KALRN: variants seen among roughly 807,000 people sequenced by gnomAD.
KALRN encodes the protein kalirin.
In KALRN, 70 loss-of-function variants were observed where a neutral mutation model predicts 353.7. That is an observed-to-expected ratio of 0.20 (90% confidence interval 0.16 to 0.24). The LOEUF is 0.24. Ranked by LOEUF, KALRN falls within the 10% of genes least tolerant of loss-of-function variation. KALRN has a pLI of 1.00. For missense variants in KALRN, 2,791 were observed against 3,756.7 expected, an observed-to-expected ratio of 0.74 and a Z score of 6.72; for synonymous variants, 1,391 against 1,434.8, an observed-to-expected ratio of 0.97 and a Z score of 0.69.
At chr3:124,372,789 CCAAA>C (rs2086025764) in intron 10 of KALRN, among the ~76,000 whole-genome samples, 1 of 152,104 alleles carries the variant, frequency 6.6e-6, no homozygotes, top group African/African-American at 2.4e-5. Context: ...TTTTAAACTG[CCAAA>C]CAAAGTGTTA....
At chr3:124,276,937 G>T (rs182392017) in intron 5 of KALRN, among the ~76,000 whole-genome samples, 166 of 152,188 alleles carry the variant, frequency 1.1e-3, no homozygotes, top group African/African-American at 3.9e-3. Context: ...CCCAACACAC[G>T]CACGCACACA....
chr3:124,535,179 G>GTT (rs200899149), intron 33 of KALRN, among the ~76,000 whole-genome samples: 2 of 147,468 alleles, frequency 1.4e-5, no homozygotes, highest in African/African-American at 2.5e-5. Context: ...CTATAAAGAA[G>GTT]TTTTTTTTTT....
intron 5 of KALRN, among the ~76,000 whole-genome samples, chr3:124,286,135 C>CTTTCTTTCTTTCTTTCT (rs752421001): frequency 8.4e-6 from 1 of 119,440 alleles, no homozygotes; most frequent in African/African-American, 3.1e-5. Context: ...TTCTTTCTTT[C>CTTTCTTTCTTTCTTTCT]TTTCCTTTCT....
chr3:124,696,359 C>A, intron 54 of KALRN, 104 bp downstream of exon 54: 2 of 1,095,264 alleles, frequency 1.8e-6, no homozygotes, highest in Non-Finnish European at 2.6e-6. Flanking sequence ...CAGCCTTGAC[C>A]TCCCAGGCTC....
Position 124,632,493 on chromosome 3 carries a change from C to T in KALRN, c.5256C>T (p.Ser1752=), listed in dbSNP as rs772815507. The change falls in exon 35 of 60, where the codon TCC becomes TCT. Residue 1752 remains serine (S), a synonymous_variant. Transcript: ENST00000682506. ...ESVANLQAQP[S]LNSIHSSPGP... Reference sequence around the variant, plus strand: ...TGGCCAACCTGCAGGCCCAGCCCTCCCTGAACTCCATCCACAGTTCCCCGG... The same window carrying T: ...TGGCCAACCTGCAGGCCCAGCCCTCTCTGAACTCCATCCACAGTTCCCCGG... 17 of 1,614,050 alleles carry T rather than the reference C, an allele frequency of 1.1e-5. No individual in the cohort carries two copies. The African/African-American group carries it at 1.3e-4, about 13-fold the overall frequency.
Position 124,637,314 on chromosome 3 carries a change from G to A in KALRN, c.5664+11G>A, listed in dbSNP as rs965986954. ...GTCAAAAACAAGCTGGTAAGTGGGGGTCCTGGAGGCAGTTCTGTGTGTGTC... is the reference window on the plus strand; with the variant it reads ...GTCAAAAACAAGCTGGTAAGTGGGGATCCTGGAGGCAGTTCTGTGTGTGTC... On this transcript the variant is annotated intron_variant, in intron 37 of 59. Coordinates refer to ENST00000682506, the MANE Select transcript of KALRN (RefSeq NM_001388419.1). 12 of 1,601,702 alleles carry A rather than the reference G, an allele frequency of 7.5e-6. No individual in the cohort carries two copies. Among genetic ancestry groups the A allele is most frequent in the Non-Finnish European group, 1.0e-5 (12 of 1,168,820 alleles).
intron 32 of KALRN, among the ~76,000 whole-genome samples, chr3:124,493,843 C>T (rs1300658781): frequency 2.0e-5 from 3 of 152,226 alleles, no homozygotes; most frequent in African/African-American, 7.2e-5. Flanking sequence ...AGGATAAGTT[C>T]ACCTCCTCAG....
chr3:124,364,786 A>G (rs1346534268), intron 10 of KALRN, among the ~76,000 whole-genome samples: 1 of 152,184 alleles, frequency 6.6e-6, no homozygotes, highest in Non-Finnish European at 1.5e-5. Flanking sequence ...TCCCACAGTG[A>G]GGACTGCAGC....
At chr3:124,277,850 A>T (rs1172338444) in intron 5 of KALRN, among the ~76,000 whole-genome samples, 2 of 152,252 alleles carry the variant, frequency 1.3e-5, no homozygotes, top group Non-Finnish European at 2.9e-5. Context: ...TGGACCCCAT[A>T]GAACTGTGGA....
intron 33 of KALRN, among the ~76,000 whole-genome samples, chr3:124,516,831 T>C (rs2066637619): frequency 6.6e-6 from 1 of 151,920 alleles, no homozygotes; most frequent in Non-Finnish European, 1.5e-5. Context: ...AGTTCTAGAG[T>C]ACATGAGACG....
chr3:124,090,216 T>A (rs2061036726), intron 1 of KALRN, among the ~76,000 whole-genome samples: 1 of 151,812 alleles, frequency 6.6e-6, no homozygotes, highest in Non-Finnish European at 1.5e-5. Context: ...TAGGGAGGGA[T>A]CAGGTTTTCA....
intron 9 of KALRN, among the ~76,000 whole-genome samples, chr3:124,335,431 G>A (rs889667380): frequency 5.9e-5 from 9 of 152,058 alleles, no homozygotes; most frequent in South Asian, 2.1e-4. Flanking sequence ...AAATGGTTAT[G>A]TTTCTGACCA....
Position 124,694,394 on chromosome 3 carries a change from C to A in KALRN, c.7468C>A (p.Leu2490Met). 6.2e-7 allele frequency: 1 copy of A among 1,614,216 alleles called. No individual in the cohort carries two copies. The highest frequency in any genetic ancestry group is 8.5e-7 in the Non-Finnish European group (1 of 1,180,018). ...VTCLLGDTVI[L>M]QCKVCGRPKP... is the part of the protein sequence containing the mutation. The stretch of plus-strand genomic sequence containing the variant: ...CTGCTTGCTTGGGGACACAGTGATA[C>A]TGCAGTGCAAAGTCTGTGGGCGGCC... Residue 2490 changes from leucine to methionine, a missense_variant, in exon 53 of 60, where the codon CTG becomes ATG. Coordinates refer to ENST00000682506, the MANE Select transcript of KALRN (RefSeq NM_001388419.1).
chr3:124,238,195 G>A (rs1210396700), intron 3 of KALRN, among the ~76,000 whole-genome samples: 1 of 152,032 alleles, frequency 6.6e-6, no homozygotes, highest in Non-Finnish European at 1.5e-5. Context: ...CTCCACAGTT[G>A]AAGGAATGAG....
intron 34 of KALRN, among the ~76,000 whole-genome samples, chr3:124,630,569 T>C (rs967564976): frequency 1.4e-4 from 22 of 152,064 alleles, no homozygotes; most frequent in African/African-American, 5.3e-4. Context: ...GCTCCAGTAG[T>C]GTAGTTTAGT....
intron 6 of KALRN, among the ~76,000 whole-genome samples, chr3:124,318,970 A>T (rs556472120): frequency 1.1e-3 from 162 of 152,184 alleles, no homozygotes; most frequent in Non-Finnish European, 1.8e-3. Flanking sequence ...GCTTCTAAAA[A>T]CTTTAAATAA....
In KALRN at chr3:124,495,965, G is replaced by GTGTATATATATATATATATATA. The variant is rs1239001137; in HGVS notation, c.4833-345_4833-344insGTATATATATATATATATATAT. ...CCCAAGTGTGTGTATGTGTATGTAT[G>GTGTATATATATATATATATATA]TATATATATATATATATATATATAT... On this transcript the variant is annotated intron_variant, in intron 32 of 59. Transcript: ENST00000682506. Among the ~76,000 whole-genome samples, 6 of 41,478 alleles carry GTGTATATATATATATATATATA rather than the reference G, an allele frequency of 1.4e-4. 1 individual carries two copies. The highest frequency in any genetic ancestry group is 3.1e-4 in the Admixed American group (1 of 3,192). The allele number at this position is 41,478 out of a possible 152,430, so 27.2% of individuals were successfully genotyped here.
At position 124,188,077 on chromosome 3, in the gene KALRN, A is replaced by G. The variant is rs556832770; in HGVS notation, c.74-39913A>G. On this transcript the variant is annotated intron_variant, in intron 1 of 59. Transcript: ENST00000682506. ...GTGTGGGCCCTACTCTAGAACAATT[A>G]TTGAGACTCTTCAGGCTGCAGCCAG... Among the ~76,000 whole-genome samples, 4 of 152,294 alleles carry G rather than the reference A, an allele frequency of 2.6e-5. No homozygotes were observed. In the East Asian group the frequency reaches 7.7e-4, roughly 29 times the overall value.
Position 124,482,659 on chromosome 3 carries a change from C to T in KALRN, c.4192-149C>T, listed in dbSNP as rs1401693996. On this transcript the variant is annotated intron_variant, in intron 27 of 59. Coordinates refer to ENST00000682506, the MANE Select transcript of KALRN (RefSeq NM_001388419.1). ...GGTCTCTTTTGTTTCTCTTTTTACTCCCCTCTCCCTATGAAAGAACATGTT... is the reference window on the plus strand; with the variant it reads ...GGTCTCTTTTGTTTCTCTTTTTACTTCCCTCTCCCTATGAAAGAACATGTT... 1.0e-5 allele frequency: 6 copies of T among 586,120 alleles called. No individual in the cohort carries two copies. The East Asian group carries it at 1.4e-4, about 14-fold the overall frequency. The allele number at this position is 586,120 out of a possible 1,614,324, so 36.3% of individuals were successfully genotyped here.
Sources: gnomAD v4.1 joint callset for allele counts (sites outside exome capture counted in the v4.1 genomes callset) on GRCh38, gnomAD v4.1.1 for gene constraint, MANE v1.5 for transcripts, NCBI Gene and HGNC (gene_info 2026-07-23, HGNC 2026-07-21) for gene names.